Variants in KBTBD8 observed in about 807,000 individuals in gnomAD.
The protein encoded by KBTBD8 is kelch repeat and BTB domain containing 8.
A neutral mutation model predicts 53.5 loss-of-function variants in KBTBD8; 31 were observed. The observed-to-expected ratio is 0.58, with a 90% CI of 0.44 to 0.78. KBTBD8 has a LOEUF of 0.78. Ranked by LOEUF, KBTBD8 falls within the 30% of genes least tolerant of loss-of-function variation. The probability of loss-of-function intolerance (pLI) is 0.00; values close to 1 mark genes in which losing one functional copy is unlikely to be tolerated. For missense variants in KBTBD8, 642 were observed against 735.8 expected (o/e 0.87, Z 1.48); for synonymous variants, 250 against 247.3 (o/e 1.01, Z -0.10).
At position 66,998,511 on chromosome 3, in the gene KBTBD8, G is replaced by A. The variant is rs565686079; in HGVS notation, c.16+140G>A. ...AAGCGGTGGAGGGGAATGAGAAGAG[G>A]GAGGATGAATGGTGCGGAGGGCGGT... is the stretch of plus-strand genomic sequence containing the variant. On this transcript the variant is annotated intron_variant, in intron 1 of 3. Coordinates refer to ENST00000417314, the MANE Select transcript of KBTBD8 (RefSeq NM_032505.3). 5 of 710,082 alleles carry A rather than the reference G, an allele frequency of 7.0e-6. No individual in the cohort carries two copies. The East Asian group carries it at 1.7e-4, about 24-fold the overall frequency. The allele number at this position is 710,082 out of a possible 1,614,324, so 44.0% of individuals were successfully genotyped here. A position where few individuals can be genotyped will look rare whatever the true frequency, so the allele number is the denominator to read the frequency against.
chr3:67,006,212 T>C (rs950404468), intron 3 of KBTBD8, among the ~76,000 whole-genome samples: 46 of 152,208 alleles, frequency 3.0e-4, no homozygotes, highest in Admixed American at 1.0e-3. Context: ...ATTTTGGTCT[T>C]ACTGCCTAAC....
intron 2 of KBTBD8, among the ~76,000 whole-genome samples, chr3:67,001,521 C>T (rs2106755953): frequency 6.6e-6 from 1 of 152,270 alleles, no homozygotes; most frequent in Middle Eastern, 3.4e-3. Flanking sequence ...TGAGCCTATT[C>T]AAGTCAGCAG....
chr3:66,999,772 G>T (rs1702000184), intron 2 of KBTBD8, among the ~76,000 whole-genome samples: 1 of 152,172 alleles, frequency 6.6e-6, no homozygotes, highest in African/African-American at 2.4e-5. Flanking sequence ...CCACTCAATA[G>T]ATTGTTTAAA....
In KBTBD8 at chr3:67,004,179, G is replaced by A. The variant is rs533321754; in HGVS notation, c.1212G>A (p.Gly404=). The change falls in exon 3 of 4, where the codon GGG becomes GGA. Residue 404 remains glycine, a synonymous_variant. Coordinates refer to ENST00000417314, the MANE Select transcript of KBTBD8 (RefSeq NM_032505.3). The part of the protein sequence containing the change: ...AIGGRVYEGD[G]RNSLKSVECY... ...GAGGTCGTGTTTATGAAGGTGATGG[G>A]AGAAACTCACTAAAATCTGTTGAGT... The A allele has an allele frequency of 2.8e-5, 46 of 1,614,200 alleles. No individual in the cohort carries two copies. In the East Asian group the frequency reaches 9.6e-4, roughly 34 times the overall value.
At chr3:66,999,263 A>G in intron 2 of KBTBD8, 72 bp downstream of exon 2, 1 of 1,161,080 alleles carries the variant, frequency 8.6e-7, no homozygotes, top group Non-Finnish European at 1.3e-6. Context: ...TGTCCACTTG[A>G]TGTTTATATT....
At position 67,008,532 on chromosome 3, in the gene KBTBD8, G is replaced by A. The variant is rs1255179476; in HGVS notation, c.*147G>A. 1.8e-6 allele frequency: 1 copy of A among 546,702 alleles called. No homozygotes were observed. The allele number at this position is 546,702 out of a possible 1,614,324, so 33.9% of individuals were successfully genotyped here. ...GCTTAAAGATTGCAGGGTAGGGAGG[G>A]ATTTTCCTTCATCCTTGTGACATTT... On this transcript the variant is annotated 3_prime_UTR_variant, in exon 4 of 4. Transcript: ENST00000417314.
Position 67,003,523 on chromosome 3 carries a change from C to A in KBTBD8, c.556C>A (p.Gln186Lys). 1 of 1,613,990 alleles carries A rather than the reference C, an allele frequency of 6.2e-7. No homozygotes were observed. Among genetic ancestry groups the A allele is most frequent in the Non-Finnish European group, 8.5e-7 (1 of 1,179,904 alleles). Reference protein sequence around the residue: ...RKKFLCVTKEQEFLQLTKDQL... With the variant: ...RKKFLCVTKEKEFLQLTKDQL... ...AAAGTTTCTGTGTGTCACCAAAGAA[C>A]AAGAGTTTCTCCAGTTGACAAAAGA... Residue 186 changes from glutamine to lysine, a missense_variant, in exon 3 of 4, where the codon CAA becomes AAA. Gln to Lys is a moderately conservative substitution (Grantham distance 53). Transcript: ENST00000417314.
intron 3 of KBTBD8, among the ~76,000 whole-genome samples, chr3:67,005,331 A>G (rs976071796): frequency 6.6e-6 from 1 of 152,198 alleles, no homozygotes; most frequent in Non-Finnish European, 1.5e-5. Context: ...CACATACACA[A>G]TGGTGGTCCT....
chr3:67,001,682 C>G (rs998637822), intron 2 of KBTBD8, among the ~76,000 whole-genome samples: 2 of 152,114 alleles, frequency 1.3e-5, no homozygotes, highest in African/African-American at 2.4e-5. Context: ...GTAGGAACAT[C>G]TAGTTTTTAG....
intron 3 of KBTBD8, 131 bp downstream of exon 3, chr3:67,004,440 ACAGT>A: frequency 1.2e-6 from 1 of 848,476 alleles, no homozygotes; most frequent in Non-Finnish European, 1.9e-6. Flanking sequence ...AACTATTGGA[ACAGT>A]CTGTTCTGTA....
intron 3 of KBTBD8, among the ~76,000 whole-genome samples, chr3:67,007,507 T>G (rs1445016772): frequency 6.6e-6 from 1 of 151,968 alleles, no homozygotes; most frequent in Non-Finnish European, 1.5e-5. Context: ...TTAATGGAGA[T>G]GGGGTTTCAC....
rs1189823093 is a variant in KBTBD8 at position 66,999,029 on chromosome 3, C to T, written c.65C>T (p.Pro22Leu). Residue 22 changes from proline (P) to leucine (L), a missense_variant, in exon 2 of 4, where the codon CCA (proline) becomes CTA (leucine). Physicochemically the swap from Pro to Leu is moderately conservative, Grantham distance 98. Coordinates refer to ENST00000417314, the MANE Select transcript of KBTBD8 (RefSeq NM_032505.3). ...CCGAATGGGATTCCATCTTCAGACCCAGCCAGCGATGCCATGGACCCCTTC... is the reference window on the plus strand; with the variant it reads ...CCGAATGGGATTCCATCTTCAGACCTAGCCAGCGATGCCATGGACCCCTTC... ...PTPNGIPSSD[P>L]ASDAMDPFHA... 1 of 1,613,950 alleles carries T rather than the reference C, an allele frequency of 6.2e-7. No homozygotes were observed. The highest frequency in any genetic ancestry group is 2.2e-5 in the East Asian group (1 of 44,880).
chr3:67,007,163 G>C (rs956773072), intron 3 of KBTBD8, among the ~76,000 whole-genome samples: 2 of 152,118 alleles, frequency 1.3e-5, no homozygotes, highest in Non-Finnish European at 2.9e-5. Flanking sequence ...TAATTAAATA[G>C]CATACACATT....
chr3:67,008,906 T>C lies in KBTBD8; in HGVS notation c.*521T>C, dbSNP rs1295212800. On this transcript the variant is annotated 3_prime_UTR_variant, in exon 4 of 4. Coordinates refer to ENST00000417314, the MANE Select transcript of KBTBD8 (RefSeq NM_032505.3). Reference sequence around the variant, plus strand: ...GTTTTCAAGTGTACTGAGATTTAAATGTGTTCTATTATTAGAGTAGATCGA... The same window carrying C: ...GTTTTCAAGTGTACTGAGATTTAAACGTGTTCTATTATTAGAGTAGATCGA... 6.5e-6 allele frequency: 1 copy of C among 153,288 alleles called. No individual in the cohort carries two copies. Among genetic ancestry groups the C allele is most frequent in the Non-Finnish European group, 1.5e-5 (1 of 68,476 alleles). The allele number at this position is 153,288 out of a possible 1,614,324, so 9.5% of individuals were successfully genotyped here.
Position 67,007,887 on chromosome 3 carries a change from T to A in KBTBD8, c.1343-35T>A, listed in dbSNP as rs777668386. On this transcript the variant is annotated intron_variant, in intron 3 of 3. Transcript: ENST00000417314. ...TATAACCAAAAACCAAACATAAAAA[T>A]TTACATATTCTTGTTTTCTTTTTTT... 27 of 1,289,688 alleles carry A rather than the reference T, an allele frequency of 2.1e-5. No individual in the cohort carries two copies. The East Asian group carries it at 5.9e-4, about 28-fold the overall frequency. The allele number at this position is 1,289,688 out of a possible 1,614,324, so 79.9% of individuals were successfully genotyped here. A position where few individuals can be genotyped will look rare whatever the true frequency, so the allele number is the denominator to read the frequency against.
intron 3 of KBTBD8, among the ~76,000 whole-genome samples, chr3:67,007,405 ACCT>A (rs1299913976): frequency 6.9e-6 from 1 of 145,944 alleles, no homozygotes; most frequent in Non-Finnish European, 1.5e-5. Context: ...TGCATCCTTC[ACCT>A]CCTGGGTTCA....
chr3:66,998,454 G>A (rs1173738986), intron 1 of KBTBD8, 83 bp downstream of exon 1: 4 of 1,099,362 alleles, frequency 3.6e-6, no homozygotes, highest in Admixed American at 4.1e-5. Context: ...GTGGGATGAG[G>A]ACGTAGCGGT....
chr3:67,002,677 T>C (rs1702028056), intron 2 of KBTBD8, among the ~76,000 whole-genome samples: 1 of 152,016 alleles, frequency 6.6e-6, no homozygotes, highest in South Asian at 2.1e-4. Context: ...TAATTTTTTA[T>C]TTTAGTAGAG....
In KBTBD8 at chr3:67,003,525, A is replaced by G. The variant is rs1419830480; in HGVS notation, c.558A>G (p.Gln186=). ...RKKFLCVTKE[Q]EFLQLTKDQL... The stretch of plus-strand genomic sequence containing the variant: ...AGTTTCTGTGTGTCACCAAAGAACA[A>G]GAGTTTCTCCAGTTGACAAAAGACC... The change falls in exon 3 of 4, where the codon CAA becomes CAG. Residue 186 remains glutamine, a synonymous_variant. Transcript: ENST00000417314. 1.2e-6 allele frequency: 2 copies of G among 1,614,018 alleles called. No homozygotes were observed. Among genetic ancestry groups the G allele is most frequent in the African/African-American group, 2.7e-5 (2 of 74,950 alleles).
Sources: allele counts gnomAD v4.1 joint callset (sites outside exome capture counted in the v4.1 genomes callset), GRCh38; gene constraint gnomAD v4.1.1; transcripts MANE v1.5; gene names NCBI Gene and HGNC (gene_info 2026-07-23, HGNC 2026-07-21).